Variants in NFIB observed in about 807,000 individuals in gnomAD.
The protein encoded by NFIB is nuclear factor I B, also known as nuclear factor 1 B-type.
Under a neutral mutation model 61.5 loss-of-function variants are expected in NFIB, and 11 were observed. That is an observed-to-expected ratio of 0.18 (90% CI 0.11 to 0.30). The LOEUF (loss-of-function observed/expected upper bound fraction) is 0.30. NFIB is among the 10% of genes least tolerant of loss of function. NFIB has a pLI of 1.00. For synonymous variants in NFIB, 260 were observed against 216.5 expected (o/e 1.20, Z -1.76); for missense variants, 471 against 608.9 (o/e 0.77, Z 2.38).
In NFIB at chr9:14,314,051, C is replaced by T. The variant is rs2060421646; in HGVS notation, c.-540G>A. On this transcript the variant is annotated 5_prime_UTR_variant, in exon 1 of 11. Coordinates refer to ENST00000380953, the MANE Select transcript of NFIB (RefSeq NM_001190737.2). ...GAAAGTTCAAGGTTACAGCCCCAAGCACTGCGGCAGGATCCCGGAGTGGTG... is the reference window on the plus strand; with the variant it reads ...GAAAGTTCAAGGTTACAGCCCCAAGTACTGCGGCAGGATCCCGGAGTGGTG... 1 of 1,065,514 alleles carries T rather than the reference C, an allele frequency of 9.4e-7. No homozygotes were observed. The highest frequency in any genetic ancestry group is 5.3e-5 in the Admixed American group (1 of 18,710). 66.0% of individuals were successfully genotyped at this position (1,065,514 alleles called of 1,614,324 possible). A position where few individuals can be genotyped will look rare whatever the true frequency, so the allele number is the denominator to read the frequency against.
chr9:14,310,091 T>C (rs1158370116), intron 1 of NFIB, among the ~76,000 whole-genome samples: 1 of 152,204 alleles, frequency 6.6e-6, no homozygotes, highest in African/African-American at 2.4e-5. Context: ...TGATTATAAA[T>C]ATAATCTATC....
chr9:14,191,589 A>T (rs75658568), intron 2 of NFIB, among the ~76,000 whole-genome samples: 2 of 152,198 alleles, frequency 1.3e-5, no homozygotes, highest in African/African-American at 2.4e-5. Context: ...TAGAGATTCA[A>T]ATCAATTCCT....
chr9:14,338,338 G>A (rs2060908921), intron 1 of NFIB, among the ~76,000 whole-genome samples: 1 of 152,068 alleles, frequency 6.6e-6, no homozygotes, highest in South Asian at 2.1e-4. Flanking sequence ...AGGTTGCAGT[G>A]AGCAGAGATC....
At chr9:14,426,154 T>C in the NFIB span, among the ~76,000 whole-genome samples, 70 of 148,820 alleles carry the variant, frequency 4.7e-4, no homozygotes, top group African/African-American at 1.7e-3. Context: ...CTCAAGAAGA[T>C]TCTTAAATTT....
At chr9:14,164,711 G>A (rs1433063979) in intron 3 of NFIB, among the ~76,000 whole-genome samples, 1 of 152,132 alleles carries the variant, frequency 6.6e-6, no homozygotes, top group Non-Finnish European at 1.5e-5. Flanking sequence ...AACCAAAATT[G>A]AGCAGAGAAG....
intron 2 of NFIB, among the ~76,000 whole-genome samples, chr9:14,269,145 A>G (rs2057422609): frequency 6.6e-6 from 1 of 152,152 alleles, no homozygotes; most frequent in African/African-American, 2.4e-5. Flanking sequence ...ATTTTAATAG[A>G]CTTTGTCCAC....
At chr9:14,218,548 T>C (rs1341253571) in intron 2 of NFIB, among the ~76,000 whole-genome samples, 1 of 152,206 alleles carries the variant, frequency 6.6e-6, no homozygotes, top group Non-Finnish European at 1.5e-5. Flanking sequence ...TCTAACCTCC[T>C]GAGAGACTGA....
intron 2 of NFIB, among the ~76,000 whole-genome samples, chr9:14,229,709 G>C (rs2052881051): frequency 6.6e-6 from 1 of 152,078 alleles, no homozygotes; most frequent in Admixed American, 6.5e-5. Context: ...TCCCTTCCGG[G>C]CTTCAGGGCC....
chr9:14,323,796 T>TA lies in NFIB; in HGVS notation c.109-16277dup, dbSNP rs142903945. On this transcript the variant is annotated intron_variant, in intron 1 of 8. Coordinates refer to the NFIB transcript ENST00000380934. ...TCCTACAACACGCAGTATTTTTTTTTAAAAAAAGGCATGGCCTTATTACCA... is the reference window on the plus strand; with the variant it reads ...TCCTACAACACGCAGTATTTTTTTTTAAAAAAAAGGCATGGCCTTATTACCA... 6.7e-3 allele frequency among the ~76,000 whole-genome samples: 1,025 copies of TA among 152,130 alleles called. 10 individuals are homozygous for TA. The highest frequency in any genetic ancestry group is 0.02 in the Middle Eastern group (6 of 294).
chr9:14,192,686 A>G (rs1333480928), intron 2 of NFIB, among the ~76,000 whole-genome samples: 1 of 152,136 alleles, frequency 6.6e-6, no homozygotes. Flanking sequence ...CTTCCACTGA[A>G]CAAGTTCCTC....
chr9:14,528,714 T>C, the NFIB span, among the ~76,000 whole-genome samples: 1 of 152,142 alleles, frequency 6.6e-6, no homozygotes, highest in South Asian at 2.1e-4. Context: ...AAGTTCCAAA[T>C]AGCTGACAAA....
At chr9:14,363,494 G>C (rs994803034) in intron 1 of NFIB, among the ~76,000 whole-genome samples, 1 of 152,082 alleles carries the variant, frequency 6.6e-6, no homozygotes, top group Non-Finnish European at 1.5e-5. Context: ...GATGGATTTG[G>C]ACTAGGCTTC....
At chr9:14,445,474 T>C in the NFIB span, among the ~76,000 whole-genome samples, 1 of 152,168 alleles carries the variant, frequency 6.6e-6, no homozygotes, top group African/African-American at 2.4e-5. Context: ...TTACCTCCTA[T>C]TGCCAGTTGG....
chr9:14,385,116 T>G (rs1026686213), intron 1 of NFIB, among the ~76,000 whole-genome samples: 1 of 152,192 alleles, frequency 6.6e-6, no homozygotes, highest in Non-Finnish European at 1.5e-5. Context: ...GCTCACTATG[T>G]GCTAGCCACT....
At chr9:14,334,041 G>A (rs370354062) in intron 1 of NFIB, among the ~76,000 whole-genome samples, 4 of 152,132 alleles carry the variant, frequency 2.6e-5, no homozygotes, top group East Asian at 1.9e-4. Flanking sequence ...GCAGGTAACC[G>A]TGTTTTGTTT....
intron 2 of NFIB, among the ~76,000 whole-genome samples, chr9:14,295,455 T>A (rs1025498481): frequency 6.6e-6 from 1 of 151,310 alleles, no homozygotes; most frequent in African/African-American, 2.4e-5. Context: ...TGAAACCCCG[T>A]CTCTACTAAA....
rs1318117056 is a variant in NFIB at position 14,084,638 on chromosome 9, T to C, written c.*3671A>G. The C allele has an allele frequency of 3.5e-5, 8 of 229,434 alleles. No homozygotes were observed. Among genetic ancestry groups the C allele is most frequent in the East Asian group, 2.5e-4 (4 of 16,178 alleles). The allele number at this position is 229,434 out of a possible 1,614,324, so 14.2% of individuals were successfully genotyped here. On this transcript the variant is annotated 3_prime_UTR_variant, in exon 11 of 11. Transcript: ENST00000380953. ...AGGCTGAACAGTGCCACGGAACTGA[T>C]GGTTGGAGACACCACTCCCTACTCA...
intron 2 of NFIB, among the ~76,000 whole-genome samples, chr9:14,260,424 T>TC (rs2056637553): frequency 6.6e-6 from 1 of 152,238 alleles, no homozygotes; most frequent in Non-Finnish European, 1.5e-5. Context: ...TAATTCATGT[T>TC]CTTACTTAGT....
intron 1 of NFIB, among the ~76,000 whole-genome samples, chr9:14,323,092 C>T (rs1324102030): frequency 2.0e-5 from 3 of 152,230 alleles, no homozygotes; most frequent in Non-Finnish European, 4.4e-5. Flanking sequence ...CGTTTGTTTC[C>T]GTGTAGGAGG....
Sources: allele counts gnomAD v4.1 joint callset (sites outside exome capture counted in the v4.1 genomes callset), GRCh38; gene constraint gnomAD v4.1.1; transcripts MANE v1.5; gene names NCBI Gene and HGNC (gene_info 2026-07-23, HGNC 2026-07-21).